The following CCDC112 variants were observed in gnomAD, a reference collection of about 807,000 sequenced individuals.
The protein encoded by CCDC112 is coiled-coil domain-containing protein 112.
CCDC112 carries 40 observed loss-of-function variants against 66.3 expected under a neutral mutation model. The ratio of observed to expected loss-of-function variants is 0.60; its 90% confidence interval spans 0.47 to 0.79. The LOEUF (loss-of-function observed/expected upper bound fraction) is 0.79. Among genes scored for constraint, CCDC112 ranks in the 30% least tolerant of loss-of-function variants. The pLI is 0.00. For synonymous variants in CCDC112, 214 were observed against 197.2 expected (o/e 1.09, Z -0.71); for missense variants, 659 against 603.8 (o/e 1.09, Z -0.96).
intron 1 of CCDC112, among the ~76,000 whole-genome samples, chr5:115,295,660 A>C (rs183302393): frequency 1.4e-3 from 211 of 152,334 alleles, no homozygotes; most frequent in African/African-American, 4.8e-3. Flanking sequence ...CTGGGAATAC[A>C]ATAAAGAATA....
chr5:115,275,633 TAAG>T (rs745557448), intron 5 of CCDC112, 27 bp from the exon 6 acceptor site: 3 of 1,461,282 alleles, frequency 2.1e-6, no homozygotes, highest in Admixed American at 4.2e-5. Context: ...AAAGTTTGAA[TAAG>T]AAGACAATCC....
intron 1 of CCDC112, among the ~76,000 whole-genome samples, chr5:115,295,051 C>G (rs977870124): frequency 6.6e-6 from 1 of 152,082 alleles, no homozygotes; most frequent in African/African-American, 2.4e-5. Context: ...GGTGGCTGTT[C>G]TCTGGCCTGT....
At chr5:115,283,132 A>C (rs1349371594) in intron 2 of CCDC112, among the ~76,000 whole-genome samples, 1 of 152,096 alleles carries the variant, frequency 6.6e-6, no homozygotes, top group East Asian at 1.9e-4. Context: ...TATTTTTTCA[A>C]ATTCTGAATA....
At chr5:115,268,420 C>T (rs750985295) in intron 9 of CCDC112, among the ~76,000 whole-genome samples, 2 of 151,912 alleles carry the variant, frequency 1.3e-5, no homozygotes, top group Non-Finnish European at 2.9e-5. Flanking sequence ...CAGGTGCACA[C>T]CACCATGCCT....
At chr5:115,281,639 A>G (rs1227203346) in intron 2 of CCDC112, among the ~76,000 whole-genome samples, 7 of 152,206 alleles carry the variant, frequency 4.6e-5, no homozygotes, top group African/African-American at 1.7e-4. Context: ...CTACAACTTT[A>G]TATCACTCAA....
rs187974428 is a variant in CCDC112 at position 115,276,686 on chromosome 5, A to C, written c.451+279T>G. On this transcript the variant is annotated intron_variant, in intron 4 of 9. Coordinates refer to ENST00000379611, the MANE Select transcript of CCDC112 (RefSeq NM_001040440.3). ...GATTCCCAATCCTGTAAATGTCACT[A>C]GTATGTGTTCTGCCTACCTTATAAT... 1.1e-4 allele frequency among the ~76,000 whole-genome samples: 17 copies of C among 152,252 alleles called. No individual in the cohort carries two copies. In the East Asian group the frequency reaches 1.4e-3, roughly 12 times the overall value.
intron 1 of CCDC112, 71 bp downstream of exon 1, chr5:115,296,356 G>T: frequency 6.8e-7 from 1 of 1,479,364 alleles, no homozygotes; most frequent in East Asian, 2.8e-5. Flanking sequence ...CGCTGCAGAG[G>T]GCACCTGTTC....
intron 2 of CCDC112, among the ~76,000 whole-genome samples, 180 bp from the exon 3 acceptor site, chr5:115,279,948 G>C (rs1030160464): frequency 2.0e-5 from 3 of 152,176 alleles, no homozygotes; most frequent in Non-Finnish European, 4.4e-5. Flanking sequence ...ATAGCTAGAA[G>C]AGTTAATTTC....
intron 1 of CCDC112, among the ~76,000 whole-genome samples, chr5:115,286,669 T>C (rs114274523): frequency 0.017 from 2,621 of 152,202 alleles, 73 homozygotes; most frequent in African/African-American, 0.059. Flanking sequence ...TCTAGCACTT[T>C]GGGAGGCCAA....
At chr5:115,294,018 G>A (rs910737386) in intron 1 of CCDC112, among the ~76,000 whole-genome samples, 4 of 152,236 alleles carry the variant, frequency 2.6e-5, no homozygotes, top group South Asian at 2.1e-4. Flanking sequence ...AGAGATTTGC[G>A]GTCTTCAGTT....
At chr5:115,295,728 G>C (rs920058153) in intron 1 of CCDC112, among the ~76,000 whole-genome samples, 1 of 152,140 alleles carries the variant, frequency 6.6e-6, no homozygotes, top group Non-Finnish European at 1.5e-5. Context: ...GTGCGAGGGA[G>C]GGTGAGGGGT....
intron 1 of CCDC112, among the ~76,000 whole-genome samples, chr5:115,288,592 A>G (rs1355657095): frequency 6.6e-6 from 1 of 152,218 alleles, no homozygotes; most frequent in Non-Finnish European, 1.5e-5. Context: ...AAAAAATAAC[A>G]TGGGAATGGA....
At chr5:115,279,500 A>G (rs1205614150) in intron 3 of CCDC112, 147 bp downstream of exon 3, 3 of 791,050 alleles carry the variant, frequency 3.8e-6, no homozygotes, top group Non-Finnish European at 5.9e-6. Context: ...TTTACCAACT[A>G]AAATACAGAG....
intron 4 of CCDC112, among the ~76,000 whole-genome samples, chr5:115,276,408 C>G (rs765439622): frequency 2.0e-5 from 3 of 152,098 alleles, no homozygotes; most frequent in South Asian, 4.1e-4. Context: ...CACCCTGAGA[C>G]CTTTAATTTG....
intron 6 of CCDC112, 98 bp from the exon 7 acceptor site, chr5:115,271,724 A>G (rs1418666640): frequency 1.1e-5 from 9 of 796,398 alleles, no homozygotes; most frequent in Non-Finnish European, 1.3e-5. Context: ...TAGAAAGAAT[A>G]TTGATTGCAG....
intron 5 of CCDC112, 151 bp downstream of exon 5, chr5:115,275,842 AC>A: frequency 1.5e-6 from 1 of 687,462 alleles, no homozygotes; most frequent in South Asian, 2.1e-5. Context: ...ATGAAAAGCC[AC>A]CTAAAACTGA....
At chr5:115,290,383 A>G (rs904648318) in intron 1 of CCDC112, among the ~76,000 whole-genome samples, 1 of 152,168 alleles carries the variant, frequency 6.6e-6, no homozygotes, top group African/African-American at 2.4e-5. Context: ...GTGGCTTTGA[A>G]GTTAAATTCT....
At chr5:115,295,364 T>C (rs1167916446) in intron 1 of CCDC112, among the ~76,000 whole-genome samples, 4 of 152,202 alleles carry the variant, frequency 2.6e-5, no homozygotes, top group African/African-American at 7.2e-5. Context: ...TACTTAAAAA[T>C]ACTTTACGTA....
intron 4 of CCDC112, 129 bp from the exon 5 acceptor site, chr5:115,276,198 G>C (rs368092696): frequency 1.6e-6 from 1 of 623,332 alleles, no homozygotes; most frequent in Non-Finnish European, 2.7e-6. Flanking sequence ...TAAGAAAGTT[G>C]TGCTCAAAAG....
Sources: gnomAD v4.1 joint callset for allele counts (sites outside exome capture counted in the v4.1 genomes callset) on GRCh38, gnomAD v4.1.1 for gene constraint, MANE v1.5 for transcripts, NCBI Gene and HGNC (gene_info 2026-07-23, HGNC 2026-07-21) for gene names.